STARD13: variants seen among roughly 807,000 people sequenced by gnomAD.
The protein encoded by STARD13 is stAR-related lipid transfer protein 13.
In STARD13, 62 loss-of-function variants were observed where a neutral mutation model predicts 106.4. The ratio of observed to expected loss-of-function variants is 0.58; its 90% CI spans 0.48 to 0.72. The LOEUF (loss-of-function observed/expected upper bound fraction) is 0.72. Ranked by LOEUF, STARD13 falls within the 30% of genes least tolerant of loss-of-function variation. The probability of loss-of-function intolerance (pLI) is 0.00; values close to 1 mark genes in which losing one functional copy is unlikely to be tolerated. For synonymous variants in STARD13, 565 were observed against 553.0 expected (o/e 1.02, Z -0.31); for missense variants, 1,387 against 1,424.0 (o/e 0.97, Z 0.42).
chr13:33,603,946 A>T, the STARD13 span, among the ~76,000 whole-genome samples: 2 of 152,190 alleles, frequency 1.3e-5, no homozygotes, highest in African/African-American at 4.8e-5. Flanking sequence ...ATGAGAAAAT[A>T]ATAATTTTTA....
intron 1 of STARD13, among the ~76,000 whole-genome samples, chr13:33,340,019 T>C (rs2077942521): frequency 6.6e-6 from 1 of 152,228 alleles, no homozygotes; most frequent in Non-Finnish European, 1.5e-5. Context: ...AAGATTTCTG[T>C]GATGAATACA....
intron 1 of STARD13, among the ~76,000 whole-genome samples, chr13:33,172,862 T>A (rs1261851827): frequency 6.6e-6 from 1 of 152,228 alleles, no homozygotes; most frequent in Non-Finnish European, 1.5e-5. Flanking sequence ...CATGTATTTA[T>A]GTTGTTCCTA....
In STARD13 at chr13:33,206,042, G is replaced by A. The variant is rs1887396088; in HGVS notation, c.170-38420C>T. On this transcript the variant is annotated intron_variant, in intron 1 of 13. Coordinates refer to ENST00000336934, the MANE Select transcript of STARD13 (RefSeq NM_178006.4). Reference sequence around the variant, plus strand: ...ATCATTCTAGCCTGATCAATGGTGTGCCTGGTTTGAGGTTGGTTTTGGCCC... The same window carrying A: ...ATCATTCTAGCCTGATCAATGGTGTACCTGGTTTGAGGTTGGTTTTGGCCC... 7 of 985,184 alleles carry A rather than the reference G, an allele frequency of 7.1e-6. No individual in the cohort carries two copies. The South Asian group carries it at 2.8e-4, about 40-fold the overall frequency. 61.0% of individuals were successfully genotyped at this position (985,184 alleles called of 1,614,324 possible).
At chr13:33,645,861 T>C in the STARD13 span, among the ~76,000 whole-genome samples, 105 of 152,270 alleles carry the variant, frequency 6.9e-4, no homozygotes, top group Non-Finnish European at 1.3e-3. Context: ...TGGATCTTAT[T>C]TGCAAGTATC....
chr13:33,447,005 A>T, the STARD13 span, among the ~76,000 whole-genome samples: 61 of 152,308 alleles, frequency 4.0e-4, no homozygotes, highest in African/African-American at 1.4e-3. Flanking sequence ...TGTATATTTT[A>T]TACAGGATTT....
At chr13:33,477,930 G>T in the STARD13 span, among the ~76,000 whole-genome samples, 3 of 150,958 alleles carry the variant, frequency 2.0e-5, no homozygotes. Context: ...GATTGTTAAG[G>T]AACTGAAATT....
the STARD13 span, among the ~76,000 whole-genome samples, chr13:33,527,972 T>C: frequency 6.6e-6 from 1 of 151,030 alleles, no homozygotes; most frequent in Non-Finnish European, 1.5e-5. Flanking sequence ...AACACTAGTT[T>C]TTGGTCCCAA....
chr13:33,493,717 G>A, the STARD13 span, among the ~76,000 whole-genome samples: 1 of 152,288 alleles, frequency 6.6e-6, no homozygotes, highest in East Asian at 1.9e-4. Context: ...TGGATCAACT[G>A]TATAAAACAA....
At chr13:33,437,889 G>A in the STARD13 span, among the ~76,000 whole-genome samples, 15 of 152,216 alleles carry the variant, frequency 9.9e-5, no homozygotes, top group Non-Finnish European at 1.8e-4. Context: ...GCCAAATGAA[G>A]CCCTGAATGA....
the STARD13 span, among the ~76,000 whole-genome samples, chr13:33,577,997 C>A: frequency 6.6e-6 from 1 of 151,938 alleles, no homozygotes; most frequent in African/African-American, 2.4e-5. Flanking sequence ...TGAAATAAAT[C>A]ACAGATGACA....
At chr13:33,224,992 TTG>T (rs369964997) in intron 1 of STARD13, among the ~76,000 whole-genome samples, 4 of 151,576 alleles carry the variant, frequency 2.6e-5, no homozygotes, top group Non-Finnish European at 4.4e-5. Context: ...TAACAGGATT[TTG>T]TGTGTGTGTG....
chr13:33,469,199 CA>C, the STARD13 span, among the ~76,000 whole-genome samples: 1 of 152,120 alleles, frequency 6.6e-6, no homozygotes, highest in Non-Finnish European at 1.5e-5. Flanking sequence ...CTCTTTCACA[CA>C]AAACAAAACT....
chr13:33,300,207 T>C (rs1892657656), intron 1 of STARD13, among the ~76,000 whole-genome samples: 1 of 152,184 alleles, frequency 6.6e-6, no homozygotes, highest in Admixed American at 6.5e-5. Flanking sequence ...CTCATAAAGC[T>C]CTTGTAAGGG....
chr13:33,269,158 C>T (rs1403974294), intron 1 of STARD13, among the ~76,000 whole-genome samples: 2 of 152,180 alleles, frequency 1.3e-5, no homozygotes, highest in African/African-American at 4.8e-5. Context: ...GGGTGTTTAC[C>T]AATTTTTGAA....
chr13:33,588,733 A>T, the STARD13 span, among the ~76,000 whole-genome samples: 2,375 of 152,322 alleles, frequency 0.016, 49 homozygotes, highest in East Asian at 0.05. Flanking sequence ...CTCATCTTCA[A>T]TTAGAGGTTC....
chr13:33,620,173 C>G, the STARD13 span, among the ~76,000 whole-genome samples: 2 of 152,040 alleles, frequency 1.3e-5, no homozygotes, highest in Admixed American at 1.3e-4. Context: ...GACACAAACA[C>G]AAACAGTAAA....
chr13:33,142,291 T>C lies in STARD13; in HGVS notation c.387+19A>G. 1.2e-6 allele frequency: 2 copies of C among 1,603,062 alleles called. No homozygotes were observed. Among genetic ancestry groups the C allele is most frequent in the African/African-American group, 1.3e-5 (1 of 74,832 alleles). The stretch of plus-strand genomic sequence containing the variant: ...ATTCACTGGCATAGCCACATTCTTA[T>C]TAAGGTGTGGGCACCTACCTTTTTC... On this transcript the variant is annotated intron_variant, in intron 4 of 13. Transcript: ENST00000336934.
chr13:33,604,800 A>T, the STARD13 span, among the ~76,000 whole-genome samples: 2 of 133,102 alleles, frequency 1.5e-5, no homozygotes, highest in East Asian at 2.0e-4. Context: ...CTTTGTCTTT[A>T]AAAAAAAAAA....
the STARD13 span, among the ~76,000 whole-genome samples, chr13:33,607,152 A>G: frequency 6.6e-6 from 1 of 150,676 alleles, no homozygotes; most frequent in East Asian, 1.9e-4. Context: ...GTGTCCCAAT[A>G]TATGTGAAAT....
Sources: allele counts gnomAD v4.1 joint callset (sites outside exome capture counted in the v4.1 genomes callset), GRCh38; gene constraint gnomAD v4.1.1; transcripts MANE v1.5; gene names NCBI Gene and HGNC (gene_info 2026-07-23, HGNC 2026-07-21).